The following IBTK variants were observed in gnomAD, a reference collection of about 807,000 sequenced individuals.
IBTK encodes the protein inhibitor of Bruton tyrosine kinase.
In IBTK, 83 loss-of-function variants were observed where a neutral mutation model predicts 154.9. That is an observed-to-expected ratio of 0.54 (90% CI 0.45 to 0.64). IBTK has a LOEUF of 0.64. Among genes scored for constraint, IBTK ranks in the 30% least tolerant of loss-of-function variants. The probability of loss-of-function intolerance (pLI) is 0.00; values close to 1 mark genes in which losing one functional copy is unlikely to be tolerated. For missense variants in IBTK, 1,332 were observed against 1,584.6 expected (o/e 0.84, Z 2.71); for synonymous variants, 515 against 536.1 (o/e 0.96, Z 0.54).
chr6:82,228,039 T>A (rs187319006), intron 4 of IBTK, among the ~76,000 whole-genome samples: 19 of 152,086 alleles, frequency 1.2e-4, no homozygotes, highest in Non-Finnish European at 4.4e-5. Flanking sequence ...CATCAGCAGT[T>A]TCAAATATAT....
rs967160581 is a variant in IBTK, at chr6:82,217,519, G to T, written c.1426+441C>A. 2.0e-5 allele frequency among the ~76,000 whole-genome samples: 3 copies of T among 152,080 alleles called. No individual in the cohort carries two copies. The South Asian group carries it at 6.2e-4, about 32-fold the overall frequency. On this transcript the variant is annotated intron_variant, in intron 10 of 28. Transcript: ENST00000306270. The stretch of plus-strand genomic sequence containing the variant: ...AACTTTCCCCTATATCTGGCACATA[G>T]TAAATATATATTAAATGTTTACAGA...
intron 22 of IBTK, among the ~76,000 whole-genome samples, chr6:82,195,728 A>C (rs1660903963): frequency 6.6e-6 from 1 of 152,214 alleles, no homozygotes; most frequent in Non-Finnish European, 1.5e-5. Flanking sequence ...CTATTCAGTT[A>C]CACATTTTTC....
At chr6:82,176,212 G>GT (rs1180368567) in intron 26 of IBTK, among the ~76,000 whole-genome samples, 2 of 151,872 alleles carry the variant, frequency 1.3e-5, no homozygotes, top group African/African-American at 2.4e-5. Flanking sequence ...CTCACAAGTA[G>GT]TTTTTTTCAC....
intron 22 of IBTK, among the ~76,000 whole-genome samples, chr6:82,195,342 G>A (rs1355786605): frequency 6.6e-6 from 1 of 152,126 alleles, no homozygotes; most frequent in Non-Finnish European, 1.5e-5. Flanking sequence ...CTAGGAGGCT[G>A]AAGTGGGTGG....
chr6:82,175,066 T>C (rs1441629746), intron 26 of IBTK: 2 of 455,050 alleles, frequency 4.4e-6, no homozygotes, highest in African/African-American at 2.0e-5. Flanking sequence ...TCTTAACTGC[T>C]AGACTAGTCT....
At chr6:82,194,037 A>C (rs1768889085) in intron 23 of IBTK, among the ~76,000 whole-genome samples, 2 of 152,158 alleles carry the variant, frequency 1.3e-5, no homozygotes, top group African/African-American at 4.8e-5. Flanking sequence ...AGGCAAGTTA[A>C]AAGGATAGTA....
chr6:82,195,561 AGAGT>A (rs1768952565), intron 22 of IBTK, among the ~76,000 whole-genome samples: 1 of 151,978 alleles, frequency 6.6e-6, no homozygotes, highest in Non-Finnish European at 1.5e-5. Flanking sequence ...CTAGGCAACC[AGAGT>A]GAGAGACCCT....
chr6:82,223,668 G>T, intron 7 of IBTK, 48 bp from the exon 8 acceptor site: 1 of 1,513,538 alleles, frequency 6.6e-7, no homozygotes, highest in Non-Finnish European at 9.1e-7. Context: ...TCTTTTAAGA[G>T]TCCTATTTAG....
chr6:82,178,685 A>G (rs1768204210), intron 26 of IBTK, among the ~76,000 whole-genome samples: 1 of 152,226 alleles, frequency 6.6e-6, no homozygotes, highest in African/African-American at 2.4e-5. Flanking sequence ...CAAATATTAA[A>G]GAATCACACT....
chr6:82,247,392 G>A (rs1582271188), intron 1 of IBTK, among the ~76,000 whole-genome samples, 170 bp downstream of exon 1: 3 of 152,340 alleles, frequency 2.0e-5, no homozygotes, highest in Admixed American at 2.0e-4. Context: ...TCTCCGCGCC[G>A]CCTCGCGCGA....
intron 24 of IBTK, 77 bp downstream of exon 24, chr6:82,191,706 TAAGA>T (rs1768775925): frequency 1.1e-6 from 1 of 877,192 alleles, no homozygotes; most frequent in South Asian, 1.4e-5. Flanking sequence ...AGAAAAATAA[TAAGA>T]AAGATGCAGT....
At chr6:82,191,704 A>C (rs754247443) in intron 24 of IBTK, 83 bp downstream of exon 24, 1 of 868,802 alleles carries the variant, frequency 1.2e-6, no homozygotes, top group Non-Finnish European at 2.0e-6. Context: ...GCAGAAAAAT[A>C]ATAAGAAAGA....
intron 17 of IBTK, 31 bp from the exon 18 acceptor site, chr6:82,202,676 G>A: frequency 8.4e-7 from 1 of 1,185,548 alleles, no homozygotes; most frequent in Non-Finnish European, 1.2e-6. Context: ...TGCAAAATTA[G>A]ATAAAAGGCA....
At chr6:82,224,480 C>T (rs1770221851) in intron 6 of IBTK, among the ~76,000 whole-genome samples, 1 of 152,192 alleles carries the variant, frequency 6.6e-6, no homozygotes, top group Non-Finnish European at 1.5e-5. Context: ...TTCTAACAAG[C>T]AATATGCAAA....
Position 82,194,626 on chromosome 6 carries a change from TACGGTTTG to T in IBTK, c.3183_3190del (p.Lys1062CysfsTer2), listed in dbSNP as rs777798248. On this transcript the variant is annotated frameshift_variant, in exon 23 of 29. Transcript: ENST00000306270. LOFTEE classifies it high-confidence loss of function. ...ATACACAGGAGATGTACCATTAACA[TACGGTTTG>T]ACTTTCGCCTGGGGAGAGAAAAAAA... The T allele has an allele frequency of 1.3e-6, 2 of 1,586,310 alleles. No homozygotes were observed. Among genetic ancestry groups the T allele is most frequent in the African/African-American group, 2.7e-5 (2 of 73,702 alleles).
intron 19 of IBTK, 44 bp from the exon 20 acceptor site, chr6:82,200,752 AGTTTTTTTTTT>A: frequency 2.0e-6 from 1 of 501,302 alleles, no homozygotes; most frequent in Non-Finnish European, 3.0e-6. Context: ...AAATCTGTGA[AGTTTTTTTTTT>A]TTTTTTTTTT....
Position 82,199,370 on chromosome 6 carries a change from CATGGTATTT to C in IBTK, c.3025+762_3025+770del, listed in dbSNP as rs200043652. Among the ~76,000 whole-genome samples the C allele has an allele frequency of 5.4e-3, 829 of 152,150 alleles. 8 individuals are homozygous for C. The highest frequency in any genetic ancestry group is 0.019 in the African/African-American group (794 of 41,500). On this transcript the variant is annotated intron_variant, in intron 21 of 28. Transcript: ENST00000306270. Reference sequence around the variant, plus strand: ...TCTGAATAAAATGTACATAGGTGTTCATGGTATTTTTCTTTCATCTTTTCAGTAAGTTAA... The same window carrying C: ...TCTGAATAAAATGTACATAGGTGTTCTTCTTTCATCTTTTCAGTAAGTTAA...
chr6:82,231,998 G>C (rs1770523448), intron 3 of IBTK, among the ~76,000 whole-genome samples, 156 bp from the exon 4 acceptor site: 1 of 151,342 alleles, frequency 6.6e-6, no homozygotes. Flanking sequence ...CCAAATCATA[G>C]TACAGGCCTG....
rs868243624 is a variant in IBTK at position 82,175,566 on chromosome 6, A to C, written c.3726-2128T>G. Among the ~76,000 whole-genome samples the C allele has an allele frequency of 5.9e-5, 9 of 152,256 alleles. No homozygotes were observed. In the South Asian group the frequency reaches 1.9e-3, roughly 31 times the overall value. On this transcript the variant is annotated intron_variant, in intron 26 of 28. Coordinates refer to ENST00000306270, the MANE Select transcript of IBTK (RefSeq NM_015525.4). ...ATTTGTCAAATAAAATAGAGCTATG[A>C]TTAAACAAATATCAAAAACATTCTA...
Sources: gnomAD v4.1 joint callset for allele counts (sites outside exome capture counted in the v4.1 genomes callset) on GRCh38, gnomAD v4.1.1 for gene constraint, MANE v1.5 for transcripts, NCBI Gene and HGNC (gene_info 2026-07-23, HGNC 2026-07-21) for gene names.